TBC1D5: variants seen among roughly 807,000 people sequenced by gnomAD.
The protein encoded by TBC1D5 is TBC1 domain family member 5.
TBC1D5 carries 75 observed loss-of-function variants against 100.3 expected under a neutral mutation model. That is an observed-to-expected ratio of 0.75 (90% CI 0.62 to 0.91). The LOEUF is 0.91. TBC1D5 is among the 40% of genes least tolerant of loss of function. The probability of loss-of-function intolerance (pLI) is 0.00; values close to 1 mark genes in which losing one functional copy is unlikely to be tolerated. For missense variants in TBC1D5, 910 were observed against 942.4 expected, an observed-to-expected ratio of 0.97 and a Z score of 0.45; for synonymous variants, 323 against 325.6, an observed-to-expected ratio of 0.99 and a Z score of 0.09.
exon 1 of TBC1D5, chr3:17,739,400 T>C (rs2077217249): frequency 6.6e-6 from 1 of 152,248 alleles, no homozygotes; most frequent in Admixed American, 6.5e-5. Context: ...TAATGACCAA[T>C]GCTTCATTTT....
At chr3:17,739,262 T>C (rs1203952471) in intron 1 of TBC1D5, 2 of 152,246 alleles carry the variant, frequency 1.3e-5, no homozygotes, top group Non-Finnish European at 2.9e-5. Context: ...GACAAAGCTT[T>C]CAGTGGTCTG....
At chr3:17,671,595 A>AT (rs1259819831) in intron 1 of TBC1D5, among the ~76,000 whole-genome samples, 1 of 152,260 alleles carries the variant, frequency 6.6e-6, no homozygotes, top group Non-Finnish European at 1.5e-5. Flanking sequence ...TCTTTAAGGC[A>AT]TTTTAATAGC....
chr3:17,355,983 G>A (rs1229722090), intron 13 of TBC1D5, among the ~76,000 whole-genome samples: 1 of 152,072 alleles, frequency 6.6e-6, no homozygotes, highest in Admixed American at 6.6e-5. Context: ...TAAAATAAAT[G>A]TGTAACTTGT....
At chr3:17,382,322 C>T (rs1468492711) in intron 9 of TBC1D5, among the ~76,000 whole-genome samples, 2 of 151,980 alleles carry the variant, frequency 1.3e-5, no homozygotes, top group African/African-American at 4.8e-5. Context: ...TTTGTGTCTA[C>T]ACTCAGTGCT....
At chr3:17,544,926 A>G (rs2096399977) in intron 2 of TBC1D5, among the ~76,000 whole-genome samples, 1 of 152,160 alleles carries the variant, frequency 6.6e-6, no homozygotes, top group South Asian at 2.1e-4. Context: ...AAAGGGACAA[A>G]TAGCTATGGG....
At chr3:17,343,549 T>C (rs200155644) in intron 13 of TBC1D5, among the ~76,000 whole-genome samples, 8,481 of 143,912 alleles carry the variant, frequency 0.059, 519 homozygotes, top group African/African-American at 0.15. Context: ...ATGGTACCAG[T>C]TCCTCCTTGT....
chr3:17,451,689 G>T (rs2094930447), intron 3 of TBC1D5, among the ~76,000 whole-genome samples: 1 of 152,158 alleles, frequency 6.6e-6, no homozygotes, highest in South Asian at 2.1e-4. Context: ...GGGTTAATGG[G>T]TGCAGCAAAC....
At chr3:17,321,708 G>C (rs1256948173) in intron 13 of TBC1D5, among the ~76,000 whole-genome samples, 3 of 152,126 alleles carry the variant, frequency 2.0e-5, no homozygotes, top group Admixed American at 6.6e-5. Context: ...AGAGTAAAGA[G>C]AGTTTTATGA....
intron 13 of TBC1D5, among the ~76,000 whole-genome samples, chr3:17,360,616 A>T (rs867569542): frequency 4.6e-5 from 7 of 152,016 alleles, no homozygotes; most frequent in Non-Finnish European, 7.4e-5. Flanking sequence ...AGAAATATAC[A>T]TTTTTAAAAC....
chr3:17,656,458 G>A (rs937840500), intron 1 of TBC1D5, among the ~76,000 whole-genome samples: 3 of 152,124 alleles, frequency 2.0e-5, no homozygotes, highest in Non-Finnish European at 4.4e-5. Flanking sequence ...CAGAAAAGAC[G>A]GCATACAGAG....
intron 16 of TBC1D5, among the ~76,000 whole-genome samples, chr3:17,240,039 T>A (rs529912335): frequency 2.0e-5 from 3 of 152,342 alleles, no homozygotes; most frequent in South Asian, 4.1e-4. Flanking sequence ...TTCTCTCAGA[T>A]CTAGCTGTCA....
chr3:17,418,513 C>T (rs2094137147), intron 4 of TBC1D5, among the ~76,000 whole-genome samples: 1 of 151,846 alleles, frequency 6.6e-6, no homozygotes, highest in Non-Finnish European at 1.5e-5. Context: ...GAAGATGAGG[C>T]ATGAGAATCA....
At chr3:17,618,440 T>C (rs1288852645) in intron 2 of TBC1D5, among the ~76,000 whole-genome samples, 1 of 152,224 alleles carries the variant, frequency 6.6e-6, no homozygotes, top group Non-Finnish European at 1.5e-5. Flanking sequence ...TCAGAGCTGT[T>C]AGACAGGGAC....
chr3:17,535,237 A>G (rs1201072282), intron 2 of TBC1D5, among the ~76,000 whole-genome samples: 1 of 152,170 alleles, frequency 6.6e-6, no homozygotes, highest in Admixed American at 6.5e-5. Context: ...AACTTCATAT[A>G]TTTCATTCCA....
At chr3:17,448,468 A>G (rs1030440351) in intron 3 of TBC1D5, among the ~76,000 whole-genome samples, 6 of 152,234 alleles carry the variant, frequency 3.9e-5, no homozygotes, top group Non-Finnish European at 7.3e-5. Context: ...ATCACTATCT[A>G]TGGCAGCTAT....
exon 5 of TBC1D5, chr3:17,406,496 G>A (rs756065138): frequency 6.2e-7 from 1 of 1,611,506 alleles, no homozygotes; most frequent in African/African-American, 1.3e-5. Flanking sequence ...CCAAGTAATT[G>A]TTGTTTACAA....
At chr3:17,289,914 G>A (rs1304719406) in intron 15 of TBC1D5, among the ~76,000 whole-genome samples, 1 of 152,172 alleles carries the variant, frequency 6.6e-6, no homozygotes, top group East Asian at 1.9e-4. Context: ...GTAAAATGAT[G>A]TTAATGAGTC....
chr3:17,603,562 G>A (rs2061138519), intron 2 of TBC1D5, among the ~76,000 whole-genome samples: 1 of 152,096 alleles, frequency 6.6e-6, no homozygotes, highest in African/African-American at 2.4e-5. Context: ...GAAAACTCAT[G>A]AATAGCCCAC....
intron 2 of TBC1D5, among the ~76,000 whole-genome samples, chr3:17,512,701 C>T (rs936539355): frequency 1.3e-5 from 2 of 152,202 alleles, no homozygotes; most frequent in African/African-American, 4.8e-5. Flanking sequence ...TCCTTTGTTA[C>T]ACTTACTGTA....
Sources: allele counts gnomAD v4.1 joint callset (sites outside exome capture counted in the v4.1 genomes callset), GRCh38; gene constraint gnomAD v4.1.1; transcripts MANE v1.5; gene names NCBI Gene and HGNC (gene_info 2026-07-23, HGNC 2026-07-21).